ADA: variants seen among roughly 807,000 people sequenced by gnomAD.
The protein encoded by ADA is adenosine deaminase.
A neutral mutation model predicts 49.0 loss-of-function variants in ADA; 45 were observed. The ratio of observed to expected loss-of-function variants is 0.92; its 90% confidence interval spans 0.72 to 1.18. ADA has a LOEUF of 1.18. ADA is among the 50% of genes most tolerant of loss of function. The pLI is 0.00. For synonymous variants in ADA, 173 were observed against 184.2 expected, an observed-to-expected ratio of 0.94 and a Z score of 0.49; for missense variants, 445 against 472.5, an observed-to-expected ratio of 0.94 and a Z score of 0.54.
At chr20:44,623,128 C>T in intron 6 of ADA, 50 bp from the exon 7 acceptor site, 1 of 1,611,000 alleles carries the variant, frequency 6.2e-7, no homozygotes. Context: ...AGGGCCCCGG[C>T]AGGCCCTGCC....
chr20:44,646,423 T>C (rs1418207857), intron 1 of ADA, among the ~76,000 whole-genome samples: 1 of 151,336 alleles, frequency 6.6e-6, no homozygotes, highest in African/African-American at 2.4e-5. Context: ...CCCAAAGAAG[T>C]GCAGCTGGTG....
At chr20:44,629,704 T>C (rs944569839) in intron 2 of ADA, among the ~76,000 whole-genome samples, 1 of 152,220 alleles carries the variant, frequency 6.6e-6, no homozygotes, top group African/African-American at 2.4e-5. Context: ...AGAGGGCCGG[T>C]GGAGGCTCAG....
At chr20:44,637,618 G>A (rs768925670) in intron 1 of ADA, among the ~76,000 whole-genome samples, 17 of 152,194 alleles carry the variant, frequency 1.1e-4, no homozygotes, top group Non-Finnish European at 2.4e-4. Flanking sequence ...CCCTGGCTCA[G>A]GGAGGAACAG....
At chr20:44,634,595 G>A (rs951753217) in intron 2 of ADA, among the ~76,000 whole-genome samples, 2 of 152,206 alleles carry the variant, frequency 1.3e-5, no homozygotes, top group Non-Finnish European at 2.9e-5. Flanking sequence ...AACTTAACCC[G>A]GGTAACGCAC....
At chr20:44,643,322 A>C (rs182722518) in intron 1 of ADA, among the ~76,000 whole-genome samples, 2 of 152,362 alleles carry the variant, frequency 1.3e-5, no homozygotes, top group African/African-American at 4.8e-5. Flanking sequence ...CAAAACAGTC[A>C]GTGATGGAGT....
chr20:44,635,479 C>G (rs1191875700), intron 2 of ADA, among the ~76,000 whole-genome samples: 1 of 152,210 alleles, frequency 6.6e-6, no homozygotes, highest in African/African-American at 2.4e-5. Flanking sequence ...AGCGTATCCT[C>G]CTCTTCCAAG....
Position 44,621,000 on chromosome 20 carries a change from T to C in ADA, c.975+18A>G. The C allele has an allele frequency of 6.2e-7, 1 of 1,613,802 alleles. No individual in the cohort carries two copies. The highest frequency in any genetic ancestry group is 8.5e-7 in the Non-Finnish European group (1 of 1,179,966). ...TCCCAAACCCGAGTCAAGGCCAGTA[T>C]GGCTCACACCCACTCACCAGCCTTT... is the stretch of plus-strand genomic sequence containing the variant. On this transcript the variant is annotated intron_variant, in intron 10 of 11. Coordinates refer to ENST00000372874, the MANE Select transcript of ADA (RefSeq NM_000022.4).
At chr20:44,646,091 G>T (rs1263302375) in intron 1 of ADA, among the ~76,000 whole-genome samples, 1 of 152,106 alleles carries the variant, frequency 6.6e-6, no homozygotes, top group African/African-American at 2.4e-5. Flanking sequence ...GGGTACCACA[G>T]GGACCCCTTC....
intron 9 of ADA, among the ~76,000 whole-genome samples, chr20:44,621,410 G>C (rs11907079): frequency 6.6e-6 from 1 of 152,172 alleles, no homozygotes; most frequent in Non-Finnish European, 1.5e-5. Context: ...GAACCAGGCA[G>C]AATGGCAGCC....
intron 2 of ADA, among the ~76,000 whole-genome samples, chr20:44,634,066 G>A (rs1429706731): frequency 3.3e-5 from 5 of 152,250 alleles, no homozygotes; most frequent in Non-Finnish European, 7.3e-5. Flanking sequence ...AGGAATGGAC[G>A]ATCAGACCAG....
chr20:44,622,180 G>A (rs770782688), intron 9 of ADA, among the ~76,000 whole-genome samples: 1 of 152,248 alleles, frequency 6.6e-6, no homozygotes, highest in Non-Finnish European at 1.5e-5. Context: ...AAAGCTTCAA[G>A]ATGGCGCTCA....
intron 2 of ADA, among the ~76,000 whole-genome samples, chr20:44,630,356 AG>A (rs1196532500): frequency 2.0e-5 from 3 of 151,958 alleles, no homozygotes; most frequent in African/African-American, 7.3e-5. Flanking sequence ...AAAAAAAAAA[AG>A]AAAAAAAAAA....
chr20:44,631,049 AG>A (rs1360855315), intron 2 of ADA, among the ~76,000 whole-genome samples: 1 of 152,236 alleles, frequency 6.6e-6, no homozygotes, highest in Non-Finnish European at 1.5e-5. Flanking sequence ...AAAGTGCCAA[AG>A]AAACAGAAGT....
chr20:44,644,177 C>T (rs1446246836), intron 1 of ADA, among the ~76,000 whole-genome samples: 11 of 1,414 alleles, frequency 7.8e-3, no homozygotes, highest in African/African-American at 0.023. Flanking sequence ...ACGCCCTGCT[C>T]GCCTCCGGCA....
chr20:44,630,798 G>C (rs372600038), intron 2 of ADA, among the ~76,000 whole-genome samples: 1 of 152,138 alleles, frequency 6.6e-6, no homozygotes, highest in Non-Finnish European at 1.5e-5. Context: ...CAAGGCTGGC[G>C]GATCACTTAA....
rs753855163 is a variant in ADA, at chr20:44,623,013, T to C, written c.672A>G (p.Val224=). The C allele has an allele frequency of 1.4e-5, 23 of 1,614,080 alleles. No individual in the cohort carries two copies. In the South Asian group the frequency reaches 1.5e-4, roughly 11 times the overall value. The part of the protein sequence containing the change: ...HAGEVGSAEV[V]KEAVDILKTE... ...GGCCAGCCCAGGCCCTCACCTCTTT[T>C]ACTACTTCGGCCGAGCCCACCTCCC... The change falls in exon 7 of 12, where the codon GTA becomes GTG. Residue 224 remains valine (V), a synonymous_variant. Coordinates refer to ENST00000372874, the MANE Select transcript of ADA (RefSeq NM_000022.4).
chr20:44,626,731 T>A, intron 3 of ADA, 132 bp from the exon 4 acceptor site: 1 of 1,123,762 alleles, frequency 8.9e-7, no homozygotes. Flanking sequence ...GGGCATCCAC[T>A]GGATAAGATC....
chr20:44,622,472 C>T lies in ADA; in HGVS notation c.845+116G>A, dbSNP rs535102744. ...CGGCAATGCCTGCTTCCCAGGGTGT[C>T]GAAGAGATTTCATATCTAAAAGACG... is the stretch of plus-strand genomic sequence containing the variant. On this transcript the variant is annotated intron_variant, in intron 9 of 11. Coordinates refer to ENST00000372874, the MANE Select transcript of ADA (RefSeq NM_000022.4). The T allele has an allele frequency of 2.1e-5, 26 of 1,263,048 alleles. 1 individual carries two copies. The highest frequency in any genetic ancestry group is 1.0e-4 in the South Asian group (8 of 78,692). 78.2% of individuals were successfully genotyped at this position (1,263,048 alleles called of 1,614,324 possible). A position where few individuals can be genotyped will look rare whatever the true frequency, so the allele number is the denominator to read the frequency against.
At chr20:44,646,525 G>A (rs1024070045) in intron 1 of ADA, among the ~76,000 whole-genome samples, 5 of 150,774 alleles carry the variant, frequency 3.3e-5, no homozygotes, top group African/African-American at 1.2e-4. Context: ...CCCCACTCCA[G>A]TCCCCAGGAA....
Sources: allele counts gnomAD v4.1 joint callset (sites outside exome capture counted in the v4.1 genomes callset), GRCh38; gene constraint gnomAD v4.1.1; transcripts MANE v1.5; gene names NCBI Gene and HGNC (gene_info 2026-07-23, HGNC 2026-07-21).